Variants in SORCS2 observed in about 807,000 individuals in gnomAD.
The protein encoded by SORCS2 is VPS10 domain-containing receptor SorCS2.
In SORCS2, 100 loss-of-function variants were observed where a neutral mutation model predicts 141.6. The observed-to-expected ratio is 0.71, with a 90% CI of 0.60 to 0.83. SORCS2 has a LOEUF of 0.83. Ranked by LOEUF, SORCS2 falls within the 40% of genes least tolerant of loss-of-function variation. The pLI is 0.00. For synonymous variants in SORCS2, 789 were observed against 676.9 expected (o/e 1.17, Z -2.57); for missense variants, 1,646 against 1,560.2 (o/e 1.05, Z -0.93).
At chr4:7,436,455 C>T (rs61513418) in intron 2 of SORCS2, among the ~76,000 whole-genome samples, 20,721 of 152,296 alleles carry the variant, frequency 0.14, 1,789 homozygotes, top group Middle Eastern at 0.29. Context: ...AGACTTCCTG[C>T]GAGTCTCTTG....
chr4:7,317,481 G>A (rs1210018150), intron 1 of SORCS2, among the ~76,000 whole-genome samples: 1 of 152,176 alleles, frequency 6.6e-6, no homozygotes, highest in Non-Finnish European at 1.5e-5. Flanking sequence ...CCCTCTGGGC[G>A]GGCCTGCCAC....
intron 1 of SORCS2, among the ~76,000 whole-genome samples, chr4:7,368,645 T>C (rs985470379): frequency 6.6e-6 from 1 of 152,196 alleles, no homozygotes; most frequent in Non-Finnish European, 1.5e-5. Flanking sequence ...CCCTGGTTCA[T>C]GGGAGGGGCC....
At chr4:7,673,970 C>A (rs1722946520) in intron 8 of SORCS2, among the ~76,000 whole-genome samples, 1 of 152,186 alleles carries the variant, frequency 6.6e-6, no homozygotes, top group Non-Finnish European at 1.5e-5. Flanking sequence ...ATGACCAACG[C>A]CCGGATGACA....
At chr4:7,516,039 G>A (rs561433387) in intron 2 of SORCS2, among the ~76,000 whole-genome samples, 14 of 152,328 alleles carry the variant, frequency 9.2e-5, no homozygotes, top group African/African-American at 3.1e-4. Flanking sequence ...AGCAGTACCC[G>A]TGATGGTGTC....
intron 1 of SORCS2, among the ~76,000 whole-genome samples, chr4:7,200,665 A>G (rs572271850): frequency 2.0e-4 from 30 of 152,332 alleles, no homozygotes; most frequent in Admixed American, 1.7e-3. Context: ...AAGGAGGCAG[A>G]TTTCCATGAG....
intron 23 of SORCS2, among the ~76,000 whole-genome samples, chr4:7,730,901 C>T (rs1048854071): frequency 8.5e-5 from 13 of 152,176 alleles, no homozygotes; most frequent in African/African-American, 3.1e-4. Flanking sequence ...TAAAAATGAA[C>T]CAGAAGCTCA....
chr4:7,596,282 G>A (rs1717271899), intron 3 of SORCS2, among the ~76,000 whole-genome samples: 1 of 152,198 alleles, frequency 6.6e-6, no homozygotes, highest in Admixed American at 6.5e-5. Flanking sequence ...TGGCCAGCTT[G>A]GCTGGCATGG....
chr4:7,617,379 C>A (rs751374926), intron 3 of SORCS2, among the ~76,000 whole-genome samples: 1 of 152,182 alleles, frequency 6.6e-6, no homozygotes, highest in African/African-American at 2.4e-5. Context: ...CCCACCCACC[C>A]GTGCATGCAT....
rs112305786 is a variant in SORCS2 at position 7,604,048 on chromosome 4, T to A, written c.649-34280T>A. Among the ~76,000 whole-genome samples, 1,079 of 152,320 alleles carry A rather than the reference T, an allele frequency of 7.1e-3. 15 individuals are homozygous for A. The highest frequency in any genetic ancestry group is 0.024 in the African/African-American group (1,012 of 41,568). ...TTGTGTGTGACTTGTACGGTGTGTGTGACTGCTGTGTGTGTGTCGTGTGAG... is the reference window on the plus strand; with the variant it reads ...TTGTGTGTGACTTGTACGGTGTGTGAGACTGCTGTGTGTGTGTCGTGTGAG... On this transcript the variant is annotated intron_variant, in intron 3 of 26. Transcript: ENST00000507866.
chr4:7,685,001 G>T (rs1020039883), intron 10 of SORCS2, among the ~76,000 whole-genome samples: 3 of 152,218 alleles, frequency 2.0e-5, no homozygotes, highest in African/African-American at 4.8e-5. Flanking sequence ...TCAGGGGCCG[G>T]CTGCCCGCCT....
chr4:7,453,633 G>A (rs2109301191), intron 2 of SORCS2, among the ~76,000 whole-genome samples: 1 of 125,096 alleles, frequency 8.0e-6, no homozygotes, highest in South Asian at 2.8e-4. Context: ...GTGCTGTGTT[G>A]GGGTCAGGCA....
intron 3 of SORCS2, among the ~76,000 whole-genome samples, chr4:7,582,892 C>T (rs982043827): frequency 9.9e-5 from 15 of 152,198 alleles, no homozygotes; most frequent in African/African-American, 3.6e-4. Context: ...TCACTCATCA[C>T]TGCCCTCTCT....
At chr4:7,487,664 C>T (rs13152135) in intron 2 of SORCS2, among the ~76,000 whole-genome samples, 17,684 of 152,224 alleles carry the variant, frequency 0.12, 1,311 homozygotes, top group East Asian at 0.25. Flanking sequence ...ACTCACGTAG[C>T]GGTGATAGAC....
chr4:7,320,889 CCCCTCCCT>C (rs930674524), intron 1 of SORCS2, among the ~76,000 whole-genome samples: 2 of 141,806 alleles, frequency 1.4e-5, no homozygotes, highest in African/African-American at 5.1e-5. Flanking sequence ...CCCTTCCCCT[CCCCTCCCT>C]CCCTCCCTTC....
intron 2 of SORCS2, among the ~76,000 whole-genome samples, chr4:7,401,014 A>G (rs895531775): frequency 1.4e-5 from 2 of 140,234 alleles, no homozygotes; most frequent in African/African-American, 2.7e-5. Context: ...TGGATAGATG[A>G]ATTGATGGAC....
Position 7,565,046 on chromosome 4 carries a change from G to A in SORCS2, c.648+33417G>A, listed in dbSNP as rs139738108. On this transcript the variant is annotated intron_variant, in intron 3 of 26. Coordinates refer to ENST00000507866, the MANE Select transcript of SORCS2 (RefSeq NM_020777.3). ...CCTCCTCATGTTACGATTGAGGCCC[G>A]TGTGTTAGCTACCTCGAGCCAAAGG... is the stretch of plus-strand genomic sequence containing the variant. Among the ~76,000 whole-genome samples, 288 of 152,272 alleles carry A rather than the reference G, an allele frequency of 1.9e-3. 1 individual carries two copies. The highest frequency in any genetic ancestry group is 6.5e-3 in the African/African-American group (269 of 41,558).
In SORCS2 at chr4:7,638,312, C is replaced by A; in HGVS notation, c.649-16C>A. The stretch of plus-strand genomic sequence containing the variant: ...GGGCACCTGGCCCAGGCCTCACAAC[C>A]CGCTTTGTGTTTCAGGTCATCCTTG... On this transcript the variant is annotated splice_polypyrimidine_tract_variant and intron_variant, in intron 3 of 26. Coordinates refer to ENST00000507866, the MANE Select transcript of SORCS2 (RefSeq NM_020777.3). 1 of 1,497,376 alleles carries A rather than the reference C, an allele frequency of 6.7e-7. No individual in the cohort carries two copies. Among genetic ancestry groups the A allele is most frequent in the Non-Finnish European group, 8.9e-7 (1 of 1,127,836 alleles). 92.8% of individuals were successfully genotyped at this position (1,497,376 alleles called of 1,614,324 possible).
chr4:7,199,847 A>G (rs1404967505), intron 1 of SORCS2, among the ~76,000 whole-genome samples: 1 of 151,916 alleles, frequency 6.6e-6, no homozygotes, highest in African/African-American at 2.4e-5. Context: ...GAAGCTCCCA[A>G]ACCCACTCTC....
Position 7,192,580 on chromosome 4 carries a change from C to G in SORCS2, c.-67C>G. The G allele has an allele frequency of 1.0e-6, 1 of 985,838 alleles. No homozygotes were observed. Among genetic ancestry groups the G allele is most frequent in the Non-Finnish European group, 1.2e-6 (1 of 830,334 alleles). 61.1% of individuals were successfully genotyped at this position (985,838 alleles called of 1,614,324 possible). The stretch of plus-strand genomic sequence containing the variant: ...GCTCGCGCTCCCCAGCGCCCTCCTG[C>G]TCTCCCGGCCGCGGTCCCCTCGTCC... On this transcript the variant is annotated 5_prime_UTR_variant, in exon 1 of 27. Transcript: ENST00000507866. This position sits in a 1 kb window ranked among gnomAD's most constrained non-coding sequence, Gnocchi z 4.0.
Sources: allele counts gnomAD v4.1 joint callset (sites outside exome capture counted in the v4.1 genomes callset), GRCh38; gene constraint gnomAD v4.1.1; non-coding constraint Gnocchi (gnomAD v3.1); transcripts MANE v1.5; gene names NCBI Gene and HGNC (gene_info 2026-07-23, HGNC 2026-07-21).